Variants in ZDHHC11B observed in about 807,000 individuals in gnomAD.
ZDHHC11B encodes zDHHC palmitoyltransferase 11B (putative).
ZDHHC11B carries 17 observed loss-of-function variants against 42.3 expected under a neutral mutation model. The observed-to-expected ratio is 0.40, with a 90% CI of 0.27 to 0.60. The LOEUF (loss-of-function observed/expected upper bound fraction) is 0.60. Ranked by LOEUF, ZDHHC11B falls within the 20% of genes least tolerant of loss-of-function variation. The pLI, the probability that ZDHHC11B is intolerant of heterozygous loss-of-function variation, is 0.41. For missense variants in ZDHHC11B, 262 were observed against 463.2 expected, an observed-to-expected ratio of 0.57 and a Z score of 3.99; for synonymous variants, 123 against 193.5, an observed-to-expected ratio of 0.64 and a Z score of 3.02.
rs1262303374 is a variant in ZDHHC11B, at chr5:716,971, T to G, written c.1059-106A>C. 35 of 1,538,752 alleles carry G rather than the reference T, an allele frequency of 2.3e-5. No homozygotes were observed. The East Asian group carries it at 6.1e-4, about 27-fold the overall frequency. ...GTAAACAAGAGTACATTTTAGAGAT[T>G]AGCTTGTGACGTGGGCAATCACTTC... On this transcript the variant is annotated intron_variant, in intron 12 of 13. Coordinates refer to ENST00000508859, the MANE Select transcript of ZDHHC11B (RefSeq NM_001351303.2).
Position 753,114 on chromosome 5 carries a change from G to A in ZDHHC11B, c.504-1857C>T, listed in dbSNP as rs1311706102. The stretch of plus-strand genomic sequence containing the variant: ...GCAGTCTTCCCAGGACACCAGCGCC[G>A]CCTGCCTTCTTTCCGTCCCCCTTCC... On this transcript the variant is annotated intron_variant, in intron 6 of 13. Coordinates refer to ENST00000508859, the MANE Select transcript of ZDHHC11B (RefSeq NM_001351303.2). Among the ~76,000 whole-genome samples, 7 of 129,628 alleles carry A rather than the reference G, an allele frequency of 5.4e-5. 1 individual carries two copies. The highest frequency in any genetic ancestry group is 1.2e-4 in the Non-Finnish European group (7 of 57,356). The allele number at this position is 129,628 out of a possible 152,430, so 85.0% of individuals were successfully genotyped here. A position where few individuals can be genotyped will look rare whatever the true frequency, so the allele number is the denominator to read the frequency against.
At chr5:744,828 A>G (rs1174733875) in intron 9 of ZDHHC11B, among the ~76,000 whole-genome samples, 1 of 148,504 alleles carries the variant, frequency 6.7e-6, no homozygotes, top group African/African-American at 2.5e-5. Context: ...CTGAGGTTTC[A>G]CCACTTCACT....
At chr5:777,483 CG>C (rs1260137650) in intron 1 of ZDHHC11B, among the ~76,000 whole-genome samples, 10 of 151,802 alleles carry the variant, frequency 6.6e-5, no homozygotes, top group Admixed American at 2.6e-4. Flanking sequence ...CCAGACTGAG[CG>C]GCAAGATTTA....
intron 3 of ZDHHC11B, 122 bp downstream of exon 3, chr5:767,270 G>T: frequency 2.5e-6 from 3 of 1,178,016 alleles, no homozygotes; most frequent in South Asian, 1.4e-5. Flanking sequence ...GACCTGAGCT[G>T]CCATCTGGAC....
chr5:733,688 C>G, intron 11 of ZDHHC11B, 64 bp downstream of exon 11: 3 of 1,462,614 alleles, frequency 2.1e-6, no homozygotes, highest in Non-Finnish European at 2.9e-6. Flanking sequence ...CTTGGGGGAC[C>G]CGAGACCACA....
At chr5:719,333 A>G (rs554845481) in intron 12 of ZDHHC11B, among the ~76,000 whole-genome samples, 2 of 151,870 alleles carry the variant, frequency 1.3e-5, no homozygotes, top group African/African-American at 4.8e-5. Context: ...TATGTCTGTG[A>G]AAGCTCAGAC....
intron 12 of ZDHHC11B, among the ~76,000 whole-genome samples, chr5:721,122 G>T (rs1198258411): frequency 6.6e-6 from 1 of 151,446 alleles, no homozygotes; most frequent in Non-Finnish European, 1.5e-5. Context: ...ATCTAAGTTG[G>T]TATTCAAACT....
At chr5:717,560 G>T (rs112208271) in intron 12 of ZDHHC11B, among the ~76,000 whole-genome samples, 1 of 151,698 alleles carries the variant, frequency 6.6e-6, no homozygotes, top group Non-Finnish European at 1.5e-5. Flanking sequence ...TCAAAACAGC[G>T]TATCCATCAC....
intron 4 of ZDHHC11B, among the ~76,000 whole-genome samples, chr5:760,547 G>A (rs527982647): frequency 4.6e-5 from 7 of 151,838 alleles, no homozygotes; most frequent in South Asian, 2.1e-4. Flanking sequence ...CAGGCACCCG[G>A]TTTTTGGTGC....
At chr5:715,135 C>A (rs1396814299) in intron 13 of ZDHHC11B, among the ~76,000 whole-genome samples, 1 of 150,688 alleles carries the variant, frequency 6.6e-6, no homozygotes, top group Non-Finnish European at 1.5e-5. Flanking sequence ...ATTACCCAGG[C>A]TCAAGTGTTT....
intron 12 of ZDHHC11B, among the ~76,000 whole-genome samples, chr5:721,766 A>G (rs1325849481): frequency 6.6e-6 from 1 of 151,728 alleles, no homozygotes; most frequent in Non-Finnish European, 1.5e-5. Flanking sequence ...AGTGACCATA[A>G]TACTGAATAA....
At chr5:777,529 G>A (rs1484918832) in intron 1 of ZDHHC11B, among the ~76,000 whole-genome samples, 4 of 151,842 alleles carry the variant, frequency 2.6e-5, no homozygotes, top group Admixed American at 6.6e-5. Flanking sequence ...TTCCACAGCG[G>A]AGAAGAGAAT....
chr5:757,776 T>C (rs449696), intron 4 of ZDHHC11B, among the ~76,000 whole-genome samples: 148,673 of 151,758 alleles, frequency 0.98, 72,809 homozygotes, highest in Non-Finnish European at 1. Context: ...CAGGCGAGAA[T>C]GATCTGGATG....
At chr5:777,375 C>T (rs1213900504) in intron 1 of ZDHHC11B, among the ~76,000 whole-genome samples, 3 of 151,810 alleles carry the variant, frequency 2.0e-5, no homozygotes, top group Admixed American at 1.3e-4. Context: ...TCGCTCCCTC[C>T]GGTGGGCTCG....
At chr5:746,499 TG>T (rs1490091608) in intron 8 of ZDHHC11B, among the ~76,000 whole-genome samples, 6 of 132,496 alleles carry the variant, frequency 4.5e-5, no homozygotes, top group African/African-American at 1.5e-4. Flanking sequence ...TGTCCTTTCA[TG>T]TTTCTGCCAC....
At chr5:765,478 G>A (rs544500433) in intron 4 of ZDHHC11B, among the ~76,000 whole-genome samples, 6 of 151,980 alleles carry the variant, frequency 3.9e-5, no homozygotes, top group East Asian at 3.9e-4. Flanking sequence ...CTGTCAAAAC[G>A]GACCAATCAG....
At chr5:733,713 C>A (rs769211586) in intron 11 of ZDHHC11B, 39 bp downstream of exon 11, 1 of 1,570,262 alleles carries the variant, frequency 6.4e-7, no homozygotes, top group Non-Finnish European at 8.7e-7. Flanking sequence ...CTGCACACGG[C>A]CCTGTCCTCA....
Position 749,181 on chromosome 5 carries a change from G to A in ZDHHC11B, c.629-622C>T, listed in dbSNP as rs1234071716. ...CATCCATCCCTTCCTCATGGCCCAC[G>A]CTGTGTCCCTGGACCCTCTGCACCC... is the stretch of plus-strand genomic sequence containing the variant. On this transcript the variant is annotated intron_variant, in intron 7 of 13. Coordinates refer to ENST00000508859, the MANE Select transcript of ZDHHC11B (RefSeq NM_001351303.2). 3.9e-5 allele frequency among the ~76,000 whole-genome samples: 5 copies of A among 129,710 alleles called. 2 individuals are homozygous for A. The highest frequency in any genetic ancestry group is 6.9e-5 in the Non-Finnish European group (4 of 58,354). The allele number at this position is 129,710 out of a possible 152,430, so 85.1% of individuals were successfully genotyped here.
At chr5:766,269 C>A (rs1735345092) in intron 4 of ZDHHC11B, among the ~76,000 whole-genome samples, 1 of 149,984 alleles carries the variant, frequency 6.7e-6, no homozygotes, top group South Asian at 2.1e-4. Flanking sequence ...ACACGGGCTT[C>A]CCCCTCTTTG....
Sources: gnomAD v4.1 joint callset for allele counts (sites outside exome capture counted in the v4.1 genomes callset) on GRCh38, gnomAD v4.1.1 for gene constraint, MANE v1.5 for transcripts, NCBI Gene and HGNC (gene_info 2026-07-23, HGNC 2026-07-21) for gene names.